The following RTN4RL1 variants were observed in gnomAD, a reference collection of about 807,000 sequenced individuals.
RTN4RL1 encodes reticulon-4 receptor-like 1.
In RTN4RL1, 7 loss-of-function variants were observed where a neutral mutation model predicts 25.6. That is an observed-to-expected ratio of 0.27 (90% confidence interval 0.16 to 0.51). The LOEUF (loss-of-function observed/expected upper bound fraction) is 0.51. Ranked by LOEUF, RTN4RL1 falls within the 20% of genes least tolerant of loss-of-function variation. The pLI is 0.97. For synonymous variants in RTN4RL1, 297 were observed against 288.2 expected (o/e 1.03, Z -0.31); for missense variants, 500 against 615.6 (o/e 0.81, Z 1.99).
rs1449021126 is a variant in RTN4RL1 at position 2,024,891 on chromosome 17, G to A, written c.-26C>T. 1 of 1,582,250 alleles carries A rather than the reference G, an allele frequency of 6.3e-7. No homozygotes were observed. ...GTTGGCCACGGGGCCGCCGCTCCGA[G>A]GTCGGCCTAGGCGCACTCCCTCCCG... On this transcript the variant is annotated 5_prime_UTR_variant, in exon 1 of 2. Transcript: ENST00000331238.
At chr17:2,010,762 C>A (rs1162909582) in intron 1 of RTN4RL1, among the ~76,000 whole-genome samples, 1 of 151,624 alleles carries the variant, frequency 6.6e-6, no homozygotes, top group Non-Finnish European at 1.5e-5. Context: ...ACAAACAAAG[C>A]ACTTTGTAGA....
chr17:2,021,921 C>T (rs1472978748), intron 1 of RTN4RL1, among the ~76,000 whole-genome samples: 1 of 138,806 alleles, frequency 7.2e-6, no homozygotes, highest in Non-Finnish European at 1.5e-5. Flanking sequence ...GGCAGTTGTA[C>T]AATCTCGGCC....
chr17:1,995,652 T>C (rs976631673), intron 1 of RTN4RL1: 2 of 152,214 alleles, frequency 1.3e-5, no homozygotes, highest in African/African-American at 4.8e-5. Context: ...GAAATACCCC[T>C]GGATCATTAT....
At chr17:2,011,142 T>C (rs1408525994) in intron 1 of RTN4RL1, among the ~76,000 whole-genome samples, 1 of 152,026 alleles carries the variant, frequency 6.6e-6, no homozygotes, top group Non-Finnish European at 1.5e-5. Flanking sequence ...TCCCAGCTAC[T>C]CGGGAGGCTG....
chr17:1,966,286 G>A (rs1161713185), intron 1 of RTN4RL1, among the ~76,000 whole-genome samples: 2 of 152,228 alleles, frequency 1.3e-5, no homozygotes, highest in Non-Finnish European at 2.9e-5. Flanking sequence ...GTCTTGAGGT[G>A]TGTGTTGAGC....
In RTN4RL1 at chr17:1,992,465, G is replaced by A. The variant is rs548472508; in HGVS notation, c.13+32388C>T. Reference sequence around the variant, plus strand: ...GGGACTCAGTTGGGGACAAAGAGCCGCCCCCTCCCCCAGTTGGGGCTAAGA... The same window carrying A: ...GGGACTCAGTTGGGGACAAAGAGCCACCCCCTCCCCCAGTTGGGGCTAAGA... On this transcript the variant is annotated intron_variant, in intron 1 of 1. Coordinates refer to ENST00000331238, the MANE Select transcript of RTN4RL1 (RefSeq NM_178568.4). Among the ~76,000 whole-genome samples the A allele has an allele frequency of 5.3e-5, 8 of 152,216 alleles. No homozygotes were observed. In the East Asian group the frequency reaches 5.8e-4, roughly 11 times the overall value.
intron 1 of RTN4RL1, among the ~76,000 whole-genome samples, chr17:1,995,341 A>G (rs528718665): frequency 6.6e-6 from 1 of 150,958 alleles, no homozygotes. Flanking sequence ...CAGGAAAATC[A>G]CTTAAACTCG....
At chr17:2,002,493 C>A (rs562231153) in intron 1 of RTN4RL1, among the ~76,000 whole-genome samples, 1 of 150,668 alleles carries the variant, frequency 6.6e-6, no homozygotes, top group Non-Finnish European at 1.5e-5. Context: ...GGGGTTTCAC[C>A]GTGTTAGCCA....
At chr17:1,967,648 CTTT>C (rs995450892) in intron 1 of RTN4RL1, among the ~76,000 whole-genome samples, 1 of 147,152 alleles carries the variant, frequency 6.8e-6, no homozygotes. Flanking sequence ...CTCTCTCTTT[CTTT>C]TTTTTTTTAA....
intron 1 of RTN4RL1, among the ~76,000 whole-genome samples, chr17:1,975,844 C>A (rs537534656): frequency 2.0e-5 from 3 of 152,034 alleles, no homozygotes; most frequent in African/African-American, 7.2e-5. Context: ...CACGGGTGTG[C>A]GAAATTTATT....
Position 1,936,969 on chromosome 17 carries a change from G to A in RTN4RL1, c.853C>T (p.Pro285Ser). The A allele has an allele frequency of 3.1e-6, 5 of 1,607,544 alleles. No individual in the cohort carries two copies. The highest frequency in any genetic ancestry group is 4.2e-6 in the Non-Finnish European group (5 of 1,178,740). Reference sequence around the variant, plus strand: ...AGGTCCTGGCCGTGCCGCAGCCCAGGGGACACACAGGGGACAGCGGAGCTG... The same window carrying A: ...AGGTCCTGGCCGTGCCGCAGCCCAGAGGACACACAGGGGACAGCGGAGCTG... ...GSSSAVPCVS[P>S]GLRHGQDLKL... Residue 285 changes from proline to serine, a missense_variant, in exon 2 of 2, where the codon CCT (proline) becomes TCT (serine). Around this residue, in one of 2 missense-constraint regions of RTN4RL1, gnomAD observed 268 missense variants for 274.5 expected, o/e 0.98. Coordinates refer to ENST00000331238, the MANE Select transcript of RTN4RL1 (RefSeq NM_178568.4).
intron 1 of RTN4RL1, among the ~76,000 whole-genome samples, chr17:1,942,453 G>C (rs1915459376): frequency 6.6e-6 from 1 of 152,148 alleles, no homozygotes; most frequent in Non-Finnish European, 1.5e-5. Flanking sequence ...AGTCTGGCCA[G>C]GTGCTGGGGC....
chr17:1,975,587 G>C (rs1188189888), intron 1 of RTN4RL1, among the ~76,000 whole-genome samples: 1 of 152,142 alleles, frequency 6.6e-6, no homozygotes, highest in Admixed American at 6.6e-5. Flanking sequence ...GGAGGTGGAG[G>C]TTGCAGTGAG....
At chr17:1,951,832 C>A (rs943476969) in intron 1 of RTN4RL1, among the ~76,000 whole-genome samples, 1 of 152,182 alleles carries the variant, frequency 6.6e-6, no homozygotes, top group East Asian at 1.9e-4. Context: ...GACAGAGAAG[C>A]GCCCCACTGA....
intron 1 of RTN4RL1, among the ~76,000 whole-genome samples, chr17:2,010,786 T>C (rs772866038): frequency 4.6e-5 from 7 of 152,152 alleles, no homozygotes; most frequent in Non-Finnish European, 1.0e-4. Flanking sequence ...GAAGTCTCAC[T>C]ATGTTTCCCA....
chr17:2,007,370 A>G (rs2067005995), intron 1 of RTN4RL1, among the ~76,000 whole-genome samples: 1 of 148,316 alleles, frequency 6.7e-6, no homozygotes, highest in African/African-American at 2.5e-5. Context: ...ACACACACAC[A>G]CACACTCTTC....
chr17:1,948,613 G>A (rs968149492), intron 1 of RTN4RL1, among the ~76,000 whole-genome samples: 3 of 151,988 alleles, frequency 2.0e-5, no homozygotes, highest in Admixed American at 1.3e-4. Context: ...ACAGGTGGAC[G>A]GGCGGACGGG....
At chr17:2,017,177 GAT>G (rs2067135263) in intron 1 of RTN4RL1, among the ~76,000 whole-genome samples, 1 of 152,202 alleles carries the variant, frequency 6.6e-6, no homozygotes, top group Admixed American at 6.5e-5. Context: ...CCCAGAAAGA[GAT>G]AGCAAATCCT....
chr17:1,970,816 T>C (rs1160343592), intron 1 of RTN4RL1, among the ~76,000 whole-genome samples: 1 of 151,926 alleles, frequency 6.6e-6, no homozygotes. Context: ...TGCCTAACAC[T>C]CCTCTATTTT....
Sources: allele counts gnomAD v4.1 joint callset (sites outside exome capture counted in the v4.1 genomes callset), GRCh38; gene constraint gnomAD v4.1.1; regional missense constraint gnomAD v4.1.1; transcripts MANE v1.5; gene names NCBI Gene and HGNC (gene_info 2026-07-23, HGNC 2026-07-21).